The following SLC16A4 variants were observed in gnomAD, a reference collection of about 807,000 sequenced individuals.
SLC16A4 encodes the protein probable monocarboxylate transporter 5.
SLC16A4 carries 39 observed loss-of-function variants against 47.9 expected under a neutral mutation model. That is an observed-to-expected ratio of 0.81 (90% CI 0.63 to 1.06). The LOEUF (loss-of-function observed/expected upper bound fraction) is 1.06. Among genes scored for constraint, SLC16A4 ranks in the 50% least tolerant of loss-of-function variants. The pLI is 0.00. For missense variants in SLC16A4, 524 were observed against 573.8 expected (o/e 0.91, Z 0.89); for synonymous variants, 189 against 199.9 (o/e 0.95, Z 0.46).
intron 8 of SLC16A4, chr1:110,370,131 CT>C (rs1416733143): frequency 6.6e-6 from 1 of 152,112 alleles, no homozygotes; most frequent in Non-Finnish European, 1.5e-5. Context: ...ATTTTTGATG[CT>C]TTGTAGGTAT....
rs147180744 is a variant in SLC16A4, at chr1:110,363,670, G to A, written c.*96C>T. The A allele has an allele frequency of 9.9e-7, 1 of 1,012,982 alleles. No individual in the cohort carries two copies. Among genetic ancestry groups the A allele is most frequent in the Non-Finnish European group, 1.4e-6 (1 of 715,886 alleles). The allele number at this position is 1,012,982 out of a possible 1,614,324, so 62.7% of individuals were successfully genotyped here. Reference sequence around the variant, plus strand: ...TTGTTTTCCTTCTCATGTTACAAATGTAGATGCGATGTGTTTCTTTCAAGC... The same window carrying A: ...TTGTTTTCCTTCTCATGTTACAAATATAGATGCGATGTGTTTCTTTCAAGC... On this transcript the variant is annotated 3_prime_UTR_variant, in exon 9 of 9. Coordinates refer to ENST00000369779, the MANE Select transcript of SLC16A4 (RefSeq NM_004696.3).
chr1:110,370,358 A>G (rs1053591542), intron 8 of SLC16A4: 3 of 152,164 alleles, frequency 2.0e-5, no homozygotes, highest in African/African-American at 7.2e-5. Context: ...ATTTTAGGCC[A>G]TAGAGAAATT....
At chr1:110,365,051 G>A (rs1341675507) in intron 8 of SLC16A4, among the ~76,000 whole-genome samples, 2 of 152,024 alleles carry the variant, frequency 1.3e-5, no homozygotes, top group East Asian at 1.9e-4. Context: ...GGGTCTCAAG[G>A]ATCTCTGGGG....
At chr1:110,383,588 C>T (rs4084434) in intron 2 of SLC16A4, among the ~76,000 whole-genome samples, 108,318 of 151,814 alleles carry the variant, frequency 0.71, 38,777 homozygotes, top group South Asian at 0.8. Flanking sequence ...AAATGCAGGG[C>T]CTGCAAATTA....
chr1:110,384,183 A>C lies in SLC16A4; in HGVS notation c.88-1217T>G, dbSNP rs374801781. The stretch of plus-strand genomic sequence containing the variant: ...AATTCCAGTTACCTTTGTGGGAGAA[A>C]AGTGTTTGTCCAAAGAGGAATAATT... On this transcript the variant is annotated intron_variant, in intron 2 of 8. Transcript: ENST00000369779. 5.3e-5 allele frequency among the ~76,000 whole-genome samples: 8 copies of C among 152,280 alleles called. No individual in the cohort carries two copies. In the South Asian group the frequency reaches 8.3e-4, roughly 16 times the overall value.
intron 2 of SLC16A4, among the ~76,000 whole-genome samples, chr1:110,384,474 C>G (rs904292495): frequency 6.6e-6 from 1 of 152,164 alleles, no homozygotes; most frequent in Non-Finnish European, 1.5e-5. Context: ...ATGAGGTTTT[C>G]TTTCTGTGGA....
chr1:110,375,582 A>G, intron 7 of SLC16A4, 31 bp from the exon 8 acceptor site: 2 of 1,256,528 alleles, frequency 1.6e-6, no homozygotes, highest in Non-Finnish European at 2.3e-6. Context: ...TGTTAGCCAT[A>G]TTAAGGGTGA....
rs1240995203 is a variant in SLC16A4, at chr1:110,382,845, C to G, written c.209G>C (p.Arg70Pro). 3.1e-6 allele frequency: 5 copies of G among 1,603,378 alleles called. No homozygotes were observed. Among genetic ancestry groups the G allele is most frequent in the Non-Finnish European group, 4.3e-6 (5 of 1,173,340 alleles). The change falls in exon 3 of 9, where the codon CGT becomes CCT. Residue 70 changes from arginine to proline, a missense_variant. Coordinates refer to ENST00000369779, the MANE Select transcript of SLC16A4 (RefSeq NM_004696.3). Reference protein sequence around the residue: ...GWIGSIMSSLRFCAGPLVAII... With the variant: ...GWIGSIMSSLPFCAGPLVAII... ...TGCCAGCTTTATACCTGCACAAAAA[C>G]GAAGAGATGACATGATGGATCCAAT...
At chr1:110,381,821 C>G (rs766916371) in intron 3 of SLC16A4, 26 bp from the exon 4 acceptor site, 77 of 1,602,796 alleles carry the variant, frequency 4.8e-5, no homozygotes, top group Non-Finnish European at 6.0e-5. Flanking sequence ...AAAGGCAATT[C>G]TTAGGTAAAT....
chr1:110,376,930 T>G lies in SLC16A4; in HGVS notation c.1242+20A>C. On this transcript the variant is annotated intron_variant, in intron 7 of 8. Coordinates refer to ENST00000369779, the MANE Select transcript of SLC16A4 (RefSeq NM_004696.3). ...CTTTTACTAAATGGTTTAACAATGT[T>G]AATGAGTGTGTCTACTCACCAGTAC... 1 of 1,596,706 alleles carries G rather than the reference T, an allele frequency of 6.3e-7. No homozygotes were observed. The highest frequency in any genetic ancestry group is 1.3e-5 in the African/African-American group (1 of 74,708).
intron 8 of SLC16A4, among the ~76,000 whole-genome samples, chr1:110,366,805 T>C (rs1165128740): frequency 6.6e-6 from 1 of 152,238 alleles, no homozygotes; most frequent in African/African-American, 2.4e-5. Flanking sequence ...GGGAATTGTT[T>C]AGCATGTTTT....
intron 8 of SLC16A4, chr1:110,371,812 CTG>C (rs1661702098): frequency 6.6e-6 from 1 of 152,120 alleles, no homozygotes; most frequent in East Asian, 1.9e-4. Context: ...GAAATTGTCA[CTG>C]AGTATTGGAA....
chr1:110,387,878 T>G (rs908334207), intron 2 of SLC16A4, among the ~76,000 whole-genome samples: 4 of 42,626 alleles, frequency 9.4e-5, no homozygotes, highest in Middle Eastern at 9.6e-3. Context: ...AGTACTACTA[T>G]TATGTGTTAA....
In SLC16A4 at chr1:110,363,744, C is replaced by T; in HGVS notation, c.*22G>A. On this transcript the variant is annotated 3_prime_UTR_variant, in exon 9 of 9. Coordinates refer to ENST00000369779, the MANE Select transcript of SLC16A4 (RefSeq NM_004696.3). ...TAGGTTTTCTTTTGTTTAGCTCTCA[C>T]TTGATTGCAGTCTTCTTTCTTTCAG... The T allele has an allele frequency of 1.3e-6, 2 of 1,585,130 alleles. No individual in the cohort carries two copies. The highest frequency in any genetic ancestry group is 8.5e-7 in the Non-Finnish European group (1 of 1,170,208).
chr1:110,366,356 C>T (rs924261719), intron 8 of SLC16A4, among the ~76,000 whole-genome samples: 5 of 152,004 alleles, frequency 3.3e-5, no homozygotes, highest in African/African-American at 7.2e-5. Flanking sequence ...GATGGGGTTT[C>T]GCCATGTTGG....
Position 110,363,277 on chromosome 1 carries a change from C to A in SLC16A4, c.*489G>T, listed in dbSNP as rs1661174380. 6.6e-6 allele frequency: 1 copy of A among 152,254 alleles called. No individual in the cohort carries two copies. Among genetic ancestry groups the A allele is most frequent in the African/African-American group, 2.4e-5 (1 of 41,426 alleles). The allele number at this position is 152,254 out of a possible 1,614,324, so 9.4% of individuals were successfully genotyped here. ...ATACTAACAATACAGGTTGCTATTACTCTTGTCTTACTACCAATTAGACAT... is the reference window on the plus strand; with the variant it reads ...ATACTAACAATACAGGTTGCTATTAATCTTGTCTTACTACCAATTAGACAT... On this transcript the variant is annotated 3_prime_UTR_variant, in exon 9 of 9. Coordinates refer to ENST00000369779, the MANE Select transcript of SLC16A4 (RefSeq NM_004696.3).
At position 110,389,341 on chromosome 1, in the gene SLC16A4, A is replaced by G; in HGVS notation, c.-18T>C. 6.4e-7 allele frequency: 1 copy of G among 1,563,092 alleles called. No individual in the cohort carries two copies. The highest frequency in any genetic ancestry group is 8.8e-7 in the Non-Finnish European group (1 of 1,133,552). On this transcript the variant is annotated 5_prime_UTR_variant, in exon 2 of 9. Transcript: ENST00000369779. ...TTCAGCATGATGCCTCTTCTATTTT[A>G]AATGCAGAAGATCCCTGTGATAAAT...
chr1:110,383,931 G>A (rs1467509037), intron 2 of SLC16A4, among the ~76,000 whole-genome samples: 1 of 150,798 alleles, frequency 6.6e-6, no homozygotes, highest in Non-Finnish European at 1.5e-5. Flanking sequence ...GGACAGCTTG[G>A]AAGTTAGAAG....
At chr1:110,389,434 G>A (rs1468254908) in intron 1 of SLC16A4, 79 bp from the exon 2 acceptor site, 14 of 887,118 alleles carry the variant, frequency 1.6e-5, no homozygotes, top group South Asian at 4.4e-5. Context: ...GAAAGGGAAC[G>A]TTCATACATT....
Sources: gnomAD v4.1 joint callset for allele counts (sites outside exome capture counted in the v4.1 genomes callset) on GRCh38, gnomAD v4.1.1 for gene constraint, MANE v1.5 for transcripts, NCBI Gene and HGNC (gene_info 2026-07-23, HGNC 2026-07-21) for gene names.